Variants in ST8SIA1 observed in about 807,000 individuals in gnomAD.
The protein encoded by ST8SIA1 is alpha-N-acetylneuraminide alpha-2,8-sialyltransferase.
In ST8SIA1, 16 loss-of-function variants were observed where a neutral mutation model predicts 35.9. The ratio of observed to expected loss-of-function variants is 0.45; its 90% CI spans 0.30 to 0.68. The LOEUF (loss-of-function observed/expected upper bound fraction) is 0.68, where lower values mean the gene tolerates loss of function less well. Ranked by LOEUF, ST8SIA1 falls within the 30% of genes least tolerant of loss-of-function variation. ST8SIA1 has a pLI of 0.09. For missense variants in ST8SIA1, 383 were observed against 453.6 expected, an observed-to-expected ratio of 0.84 and a Z score of 1.41; for synonymous variants, 170 against 169.6, an observed-to-expected ratio of 1.00 and a Z score of -0.02.
At chr12:22,268,395 T>C (rs1251647250) in intron 2 of ST8SIA1, 1 of 152,252 alleles carries the variant, frequency 6.6e-6, no homozygotes, top group Non-Finnish European at 1.5e-5. Flanking sequence ...TAGGAAGTGC[T>C]AGAGACTGTG....
At chr12:22,204,433 C>T (rs1315808500) in intron 4 of ST8SIA1, among the ~76,000 whole-genome samples, 1 of 152,162 alleles carries the variant, frequency 6.6e-6, no homozygotes, top group Non-Finnish European at 1.5e-5. Flanking sequence ...GTCATTTCAC[C>T]ATCAACCTTC....
chr12:22,229,944 G>T (rs753918537), intron 4 of ST8SIA1, among the ~76,000 whole-genome samples: 1 of 152,194 alleles, frequency 6.6e-6, no homozygotes, highest in Non-Finnish European at 1.5e-5. Context: ...ACAGTAAAGA[G>T]AGCTGTGTTG....
intron 4 of ST8SIA1, among the ~76,000 whole-genome samples, chr12:22,207,951 T>G (rs189153981): frequency 1.3e-5 from 2 of 152,146 alleles, no homozygotes; most frequent in Admixed American, 6.5e-5. Flanking sequence ...GAGACCAGCC[T>G]GGCCAATATA....
chr12:22,311,980 T>C lies in ST8SIA1; in HGVS notation c.236+22017A>G, dbSNP rs74068558. Among the ~76,000 whole-genome samples, 846 of 152,242 alleles carry C rather than the reference T, an allele frequency of 5.6e-3. 15 individuals carry two copies. The highest frequency in any genetic ancestry group is 0.019 in the African/African-American group (810 of 41,550). On this transcript the variant is annotated intron_variant, in intron 1 of 4. Coordinates refer to ENST00000396037, the MANE Select transcript of ST8SIA1 (RefSeq NM_003034.4). ...CAGTGGGCAAGTCCCCTACACTTTT[T>C]CTCTGGTGCTCCTTTCTAAAATGTT... is the stretch of plus-strand genomic sequence containing the variant.
At chr12:22,262,281 T>C (rs1398743181) in intron 2 of ST8SIA1, among the ~76,000 whole-genome samples, 2 of 152,240 alleles carry the variant, frequency 1.3e-5, no homozygotes, top group African/African-American at 2.4e-5. Context: ...TTGTGCCTTA[T>C]GTAAATAGTA....
intron 1 of ST8SIA1, among the ~76,000 whole-genome samples, chr12:22,317,661 G>A (rs921194600): frequency 1.3e-5 from 2 of 152,192 alleles, no homozygotes; most frequent in African/African-American, 2.4e-5. Flanking sequence ...GGGAGAGAAC[G>A]AGGGCACTCA....
chr12:22,327,701 A>C (rs543925254), intron 1 of ST8SIA1, among the ~76,000 whole-genome samples: 13 of 152,166 alleles, frequency 8.5e-5, no homozygotes, highest in African/African-American at 2.9e-4. Flanking sequence ...CAGCTGTTAT[A>C]TTACTTTCAA....
At chr12:22,299,007 G>A (rs994955989) in intron 1 of ST8SIA1, among the ~76,000 whole-genome samples, 5 of 152,000 alleles carry the variant, frequency 3.3e-5, no homozygotes, top group South Asian at 2.1e-4. Context: ...ATAAAGAAGC[G>A]ACAACTGGCA....
At chr12:22,244,821 A>AT (rs1865581238) in intron 4 of ST8SIA1, among the ~76,000 whole-genome samples, 3 of 152,058 alleles carry the variant, frequency 2.0e-5, no homozygotes, top group South Asian at 4.2e-4. Context: ...GGTTTAATTT[A>AT]TTTTTTTCCC....
chr12:22,277,966 G>T (rs552166983), intron 2 of ST8SIA1, among the ~76,000 whole-genome samples: 86 of 152,328 alleles, frequency 5.6e-4, no homozygotes, highest in African/African-American at 2.0e-3. Context: ...GTATCCAATA[G>T]GTGCAGAACC....
chr12:22,301,818 C>T (rs1866321619), intron 1 of ST8SIA1, among the ~76,000 whole-genome samples: 1 of 152,070 alleles, frequency 6.6e-6, no homozygotes, highest in African/African-American at 2.4e-5. Flanking sequence ...GGAGCCCCAG[C>T]CTTTTAATAC....
chr12:22,281,576 C>T (rs1215438732), intron 2 of ST8SIA1, among the ~76,000 whole-genome samples: 2 of 151,960 alleles, frequency 1.3e-5, no homozygotes, highest in African/African-American at 2.4e-5. Context: ...CAGGGGATAC[C>T]GGGGAGCTCA....
intron 2 of ST8SIA1, among the ~76,000 whole-genome samples, chr12:22,258,764 T>C (rs1376737109): frequency 6.6e-6 from 1 of 152,248 alleles, no homozygotes; most frequent in African/African-American, 2.4e-5. Flanking sequence ...TAAAAATCCC[T>C]TTAATTGTTG....
intron 1 of ST8SIA1, among the ~76,000 whole-genome samples, chr12:22,294,245 A>G (rs996740173): frequency 1.3e-5 from 2 of 151,918 alleles, no homozygotes; most frequent in African/African-American, 4.8e-5. Context: ...ATGGAGGGGG[A>G]ATGGAGGCAA....
At chr12:22,279,563 G>T (rs568456690) in intron 2 of ST8SIA1, among the ~76,000 whole-genome samples, 1 of 152,318 alleles carries the variant, frequency 6.6e-6, no homozygotes, top group Admixed American at 6.5e-5. Flanking sequence ...TAGAGACTGG[G>T]AACTTGAAGT....
chr12:22,307,854 G>T (rs1262505977), intron 1 of ST8SIA1, among the ~76,000 whole-genome samples: 1 of 152,044 alleles, frequency 6.6e-6, no homozygotes, highest in Non-Finnish European at 1.5e-5. Context: ...AAGCCAGGTG[G>T]TATTATCCTT....
At chr12:22,244,378 G>A (rs1591833148) in intron 4 of ST8SIA1, among the ~76,000 whole-genome samples, 1 of 152,096 alleles carries the variant, frequency 6.6e-6, no homozygotes, top group Admixed American at 6.5e-5. Flanking sequence ...TTCCTACCCT[G>A]AGAAGTGACT....
chr12:22,284,501 G>C (rs946472079), intron 2 of ST8SIA1, among the ~76,000 whole-genome samples: 1 of 152,156 alleles, frequency 6.6e-6, no homozygotes, highest in Non-Finnish European at 1.5e-5. Context: ...TAATGGATGA[G>C]AGCAGAGGGA....
Position 22,201,868 on chromosome 12 carries a change from T to C in ST8SIA1, c.755A>G (p.Asn252Ser). The change falls in exon 5 of 5, where the codon AAC (asparagine) becomes AGC (serine). Residue 252 changes from asparagine (N) to serine (S), a missense_variant. Asn to Ser is a conservative substitution (Grantham distance 46, BLOSUM62 1). Transcript: ENST00000396037. ...TCCAATGCTACGCAGAAAGTTGGGGTTGGCAAACAGCACTGTTTGATTGGC... is the reference window on the plus strand; with the variant it reads ...TCCAATGCTACGCAGAAAGTTGGGGCTGGCAAACAGCACTGTTTGATTGGC... ...VGANQTVLFA[N>S]PNFLRSIGKF... The C allele has an allele frequency of 6.2e-7, 1 of 1,614,098 alleles. No homozygotes were observed. The highest frequency in any genetic ancestry group is 2.2e-5 in the East Asian group (1 of 44,876).
Sources: allele counts gnomAD v4.1 joint callset (sites outside exome capture counted in the v4.1 genomes callset), GRCh38; gene constraint gnomAD v4.1.1; transcripts MANE v1.5; gene names NCBI Gene and HGNC (gene_info 2026-07-23, HGNC 2026-07-21).